The following KALRN variants were observed in gnomAD, a reference collection of about 807,000 sequenced individuals.
KALRN encodes the protein kalirin.
A neutral mutation model predicts 353.7 loss-of-function variants in KALRN; 70 were observed. The observed-to-expected ratio is 0.20, with a 90% CI of 0.16 to 0.24. The LOEUF is 0.24. KALRN is among the 10% of genes least tolerant of loss of function. KALRN has a pLI of 1.00. For synonymous variants in KALRN, 1,391 were observed against 1,434.8 expected (o/e 0.97, Z 0.69); for missense variants, 2,791 against 3,756.7 (o/e 0.74, Z 6.72).
chr3:124,477,943 T>G (rs1268298553), intron 27 of KALRN, among the ~76,000 whole-genome samples: 4 of 152,218 alleles, frequency 2.6e-5, no homozygotes, highest in Non-Finnish European at 4.4e-5. Flanking sequence ...GAGAGTGATG[T>G]GCAGCCAGGG....
chr3:124,287,069 T>A (rs900012744), intron 5 of KALRN, among the ~76,000 whole-genome samples: 1 of 152,202 alleles, frequency 6.6e-6, no homozygotes, highest in Non-Finnish European at 1.5e-5. Context: ...TTATTAATCC[T>A]AGTGTATAGC....
rs1024716056 is a variant in KALRN at position 124,618,114 on chromosome 3, T to C, written c.5183-14306T>C. Among the ~76,000 whole-genome samples, 13 of 58,950 alleles carry C rather than the reference T, an allele frequency of 2.2e-4. 2 individuals are homozygous for C. The highest frequency in any genetic ancestry group is 6.0e-4 in the South Asian group (1 of 1,670). The allele number at this position is 58,950 out of a possible 152,430, so 38.7% of individuals were successfully genotyped here. ...TTTTTTTTTTTTTTTTTTTTTTTTTTTTTTTTTTTTTTGAGATGGAGTCTC... is the reference window on the plus strand; with the variant it reads ...TTTTTTTTTTTTTTTTTTTTTTTTTCTTTTTTTTTTTTGAGATGGAGTCTC... On this transcript the variant is annotated intron_variant, in intron 34 of 59. Transcript: ENST00000682506.
intron 34 of KALRN, among the ~76,000 whole-genome samples, chr3:124,617,981 G>C (rs2149639714): frequency 6.6e-6 from 1 of 150,482 alleles, no homozygotes; most frequent in East Asian, 2.0e-4. Context: ...AGGAGAAAAA[G>C]ACTGGGGGCA....
At chr3:124,497,187 G>A (rs2063955087) in intron 33 of KALRN, among the ~76,000 whole-genome samples, 1 of 152,134 alleles carries the variant, frequency 6.6e-6, no homozygotes, top group Non-Finnish European at 1.5e-5. Flanking sequence ...GGGAGGAAAG[G>A]GTCCATGTCT....
chr3:124,389,116 C>T lies in KALRN; in HGVS notation c.1962+4080C>T, dbSNP rs1576510409. The stretch of plus-strand genomic sequence containing the variant: ...ATACTGTTATAAATCATTTCTGCCT[C>T]ATTATGGCTATCTTCCTCCTTCTTT... On this transcript the variant is annotated intron_variant, in intron 11 of 59. Coordinates refer to ENST00000682506, the MANE Select transcript of KALRN (RefSeq NM_001388419.1). 3.9e-5 allele frequency among the ~76,000 whole-genome samples: 6 copies of T among 152,318 alleles called. No homozygotes were observed. In the Middle Eastern group the frequency reaches 0.017, roughly 432 times the overall value.
At chr3:124,042,095 A>G (rs1392807662) in intron 1 of KALRN, among the ~76,000 whole-genome samples, 1 of 152,190 alleles carries the variant, frequency 6.6e-6, no homozygotes, top group Non-Finnish European at 1.5e-5. Context: ...TAGGATGGGT[A>G]TGGTTTGGAC....
At chr3:124,603,693 G>T (rs1394448231) in intron 34 of KALRN, among the ~76,000 whole-genome samples, 2 of 152,162 alleles carry the variant, frequency 1.3e-5, no homozygotes, top group African/African-American at 4.8e-5. Context: ...TTAAAAATGT[G>T]TGTCCTTGCT....
chr3:124,185,380 C>T (rs1486163273), intron 1 of KALRN, among the ~76,000 whole-genome samples: 1 of 152,146 alleles, frequency 6.6e-6, no homozygotes, highest in African/African-American at 2.4e-5. Context: ...GTTCTTGGGC[C>T]CCATGTTTAT....
At chr3:124,092,887 G>T (rs568824137) in intron 1 of KALRN, among the ~76,000 whole-genome samples, 2 of 152,332 alleles carry the variant, frequency 1.3e-5, no homozygotes, top group South Asian at 4.1e-4. Flanking sequence ...ATGGATTCTT[G>T]TTACTCGTGA....
intron 29 of KALRN, among the ~76,000 whole-genome samples, chr3:124,490,142 C>T (rs1411221770): frequency 1.3e-5 from 2 of 152,128 alleles, no homozygotes; most frequent in African/African-American, 4.8e-5. Context: ...ACCTATGACC[C>T]AGCTACTTGG....
chr3:124,499,317 C>T (rs1400758140), intron 33 of KALRN, among the ~76,000 whole-genome samples: 1 of 152,212 alleles, frequency 6.6e-6, no homozygotes, highest in Non-Finnish European at 1.5e-5. Context: ...CTCTGTGTCA[C>T]ATTGCATAGG....
intron 36 of KALRN, among the ~76,000 whole-genome samples, chr3:124,636,488 A>T (rs1476517892): frequency 6.6e-6 from 1 of 152,172 alleles, no homozygotes; most frequent in Non-Finnish European, 1.5e-5. Flanking sequence ...GTCTCTCTTT[A>T]CTATGAACAG....
chr3:124,076,464 T>G (rs1559909593), intron 1 of KALRN, among the ~76,000 whole-genome samples: 1 of 152,134 alleles, frequency 6.6e-6, no homozygotes, highest in Admixed American at 6.5e-5. Context: ...GGGTGTGGTG[T>G]GGGGCGGTGG....
intron 1 of KALRN, among the ~76,000 whole-genome samples, chr3:124,157,187 A>G (rs1340663788): frequency 1.3e-5 from 2 of 152,264 alleles, no homozygotes; most frequent in African/African-American, 2.4e-5. Context: ...CTGGAAGACA[A>G]CTAAGGACTG....
chr3:124,694,108 T>TTTTC (rs1195969790), intron 52 of KALRN, among the ~76,000 whole-genome samples: 2 of 152,248 alleles, frequency 1.3e-5, no homozygotes, highest in Admixed American at 6.5e-5. Context: ...ATTATGGAGC[T>TTTTC]TTTCTTTCTT....
chr3:124,490,020 A>T (rs911207811), intron 29 of KALRN, among the ~76,000 whole-genome samples: 5 of 152,158 alleles, frequency 3.3e-5, no homozygotes, highest in Admixed American at 2.6e-4. Flanking sequence ...ATAATCCTAC[A>T]CTTTGGGAGG....
At chr3:124,070,109 A>G (rs2059941730) in intron 1 of KALRN, among the ~76,000 whole-genome samples, 1 of 152,224 alleles carries the variant, frequency 6.6e-6, no homozygotes, top group Admixed American at 6.5e-5. Context: ...AATGAGACGA[A>G]GATAGGATTA....
chr3:124,575,982 C>A (rs1272279558), intron 34 of KALRN, among the ~76,000 whole-genome samples: 1 of 151,986 alleles, frequency 6.6e-6, no homozygotes, highest in Non-Finnish European at 1.5e-5. Flanking sequence ...ATTCACCTGA[C>A]CAGCCTGCCT....
intron 34 of KALRN, among the ~76,000 whole-genome samples, chr3:124,595,455 T>C (rs1182889400): frequency 6.6e-6 from 1 of 152,210 alleles, no homozygotes; most frequent in South Asian, 2.1e-4. Context: ...AGAGGGCTGG[T>C]TTATTAGTAT....
Sources: allele counts gnomAD v4.1 joint callset (sites outside exome capture counted in the v4.1 genomes callset), GRCh38; gene constraint gnomAD v4.1.1; transcripts MANE v1.5; gene names NCBI Gene and HGNC (gene_info 2026-07-23, HGNC 2026-07-21).